Variants in ST7L observed in about 807,000 individuals in gnomAD.
The protein encoded by ST7L is suppressor of tumorigenicity 7 protein-like.
In ST7L, 57 loss-of-function variants were observed where a neutral mutation model predicts 72.5. The ratio of observed to expected loss-of-function variants is 0.79; its 90% CI spans 0.64 to 0.98. The LOEUF is 0.98. Among genes scored for constraint, ST7L ranks in the 50% least tolerant of loss-of-function variants. The pLI, the probability that ST7L is intolerant of heterozygous loss-of-function variation, is 0.00. For synonymous variants in ST7L, 221 were observed against 240.9 expected (o/e 0.92, Z 0.77); for missense variants, 576 against 672.2 (o/e 0.86, Z 1.58).
chr1:112,612,069 C>A (rs2101045179), intron 2 of ST7L, among the ~76,000 whole-genome samples: 1 of 151,616 alleles, frequency 6.6e-6, no homozygotes, highest in South Asian at 2.1e-4. Flanking sequence ...AAAGCATATG[C>A]ACAACTAAGA....
At chr1:112,605,886 C>T (rs1331436116) in intron 3 of ST7L, among the ~76,000 whole-genome samples, 1 of 152,182 alleles carries the variant, frequency 6.6e-6, no homozygotes, top group Non-Finnish European at 1.5e-5. Flanking sequence ...CAGCCTTGCC[C>T]TCTGGGCCTG....
intron 12 of ST7L, among the ~76,000 whole-genome samples, chr1:112,553,089 TAAAA>T (rs34755227): frequency 6.6e-6 from 1 of 151,600 alleles, no homozygotes; most frequent in African/African-American, 2.4e-5. Flanking sequence ...AGTATAGACT[TAAAA>T]AAAACAAAAC....
chr1:112,573,753 A>G (rs1359948329), intron 11 of ST7L, among the ~76,000 whole-genome samples: 1 of 151,306 alleles, frequency 6.6e-6, no homozygotes, highest in Admixed American at 6.6e-5. Flanking sequence ...AGGGCCAGGC[A>G]TATGTTTGCT....
intron 11 of ST7L, among the ~76,000 whole-genome samples, chr1:112,556,616 T>A (rs1257180476): frequency 6.6e-6 from 1 of 152,140 alleles, no homozygotes; most frequent in Non-Finnish European, 1.5e-5. Context: ...CATAATGCAA[T>A]GGAAAAGACA....
downstream of ST7L, chr1:112,521,007 A>T (rs1308480364): frequency 6.3e-6 from 1 of 158,854 alleles, no homozygotes; most frequent in Non-Finnish European, 1.4e-5. Flanking sequence ...AGGCTACCAC[A>T]TTCTATTATT....
At chr1:112,597,560 T>C (rs1295642455) in intron 5 of ST7L, among the ~76,000 whole-genome samples, 1 of 152,242 alleles carries the variant, frequency 6.6e-6, no homozygotes, top group African/African-American at 2.4e-5. Flanking sequence ...TCTACCACTT[T>C]ATATGTATCT....
chr1:112,540,332 T>C, intron 14 of ST7L: 2 of 985,436 alleles, frequency 2.0e-6, no homozygotes, highest in South Asian at 9.4e-5. Context: ...TGGAATTCTC[T>C]TTCTAGGCCA....
intron 3 of ST7L, among the ~76,000 whole-genome samples, chr1:112,609,396 T>A (rs1395236469): frequency 1.3e-5 from 2 of 151,904 alleles, no homozygotes; most frequent in Non-Finnish European, 2.9e-5. Context: ...CTGGGTGCAG[T>A]GGTACATGCC....
At chr1:112,604,589 A>T (rs151302014) in intron 3 of ST7L, among the ~76,000 whole-genome samples, 1 of 152,064 alleles carries the variant, frequency 6.6e-6, no homozygotes, top group Non-Finnish European at 1.5e-5. Context: ...GGAAAGGGTA[A>T]TGGTTACCAA....
At chr1:112,561,964 T>A (rs1660230602) in intron 11 of ST7L, among the ~76,000 whole-genome samples, 1 of 147,408 alleles carries the variant, frequency 6.8e-6, no homozygotes, top group Non-Finnish European at 1.5e-5. Context: ...CTTCTAAAAC[T>A]TTACTTTTTT....
chr1:112,599,073 A>AAAAAAG (rs1190968815), intron 4 of ST7L, among the ~76,000 whole-genome samples: 1 of 56,994 alleles, frequency 1.8e-5, no homozygotes, highest in African/African-American at 6.9e-5. Context: ...AAAAAAAAAA[A>AAAAAAG]ATATATATAT....
chr1:112,559,220 A>G (rs537812756), intron 11 of ST7L, among the ~76,000 whole-genome samples: 2 of 152,304 alleles, frequency 1.3e-5, no homozygotes, highest in African/African-American at 4.8e-5. Context: ...TACAAAAAAT[A>G]TCAATTTGAT....
At chr1:112,599,782 A>G (rs537466931) in intron 4 of ST7L, among the ~76,000 whole-genome samples, 113 of 152,352 alleles carry the variant, frequency 7.4e-4, no homozygotes, top group Non-Finnish European at 1.4e-3. Flanking sequence ...GGCCTAATAC[A>G]TACTTAAATG....
At chr1:112,592,173 G>A (rs895448300) in intron 5 of ST7L, among the ~76,000 whole-genome samples, 2 of 151,998 alleles carry the variant, frequency 1.3e-5, no homozygotes, top group African/African-American at 4.8e-5. Flanking sequence ...CCTGAGTTAG[G>A]ATTTCTTTGG....
intron 14 of ST7L, among the ~76,000 whole-genome samples, chr1:112,535,828 C>T (rs1655120027): frequency 6.6e-6 from 1 of 152,018 alleles, no homozygotes; most frequent in Non-Finnish European, 1.5e-5. Flanking sequence ...AGCAATTTCA[C>T]AAATTTCTTA....
intron 11 of ST7L, among the ~76,000 whole-genome samples, chr1:112,565,602 CCTAA>C (rs1265430000): frequency 6.6e-4 from 100 of 152,090 alleles, no homozygotes; most frequent in African/African-American, 1.4e-4. Flanking sequence ...TTAGTTAATT[CCTAA>C]CTGTTTTCAA....
chr1:112,619,627 A>T (rs1670504254), upstream of ST7L: 2 of 574,262 alleles, frequency 3.5e-6, no homozygotes, highest in Non-Finnish European at 6.2e-6. Context: ...TGGGAAAGAT[A>T]TTAGACTTCA....
At chr1:112,551,341 G>A (rs2101555774) in intron 12 of ST7L, among the ~76,000 whole-genome samples, 1 of 151,716 alleles carries the variant, frequency 6.6e-6, no homozygotes, top group East Asian at 1.9e-4. Context: ...GTAGAGGCGG[G>A]GTTTCACCGT....
At chr1:112,569,440 G>A (rs1233650363) in intron 11 of ST7L, among the ~76,000 whole-genome samples, 2 of 152,128 alleles carry the variant, frequency 1.3e-5, no homozygotes, top group Non-Finnish European at 2.9e-5. Context: ...GACACAAAAG[G>A]CCACTATTAT....
Sources: allele counts gnomAD v4.1 joint callset (sites outside exome capture counted in the v4.1 genomes callset), GRCh38; gene constraint gnomAD v4.1.1; transcripts MANE v1.5; gene names NCBI Gene and HGNC (gene_info 2026-07-23, HGNC 2026-07-21).